The following FLI1 variants were observed in gnomAD, a reference collection of about 807,000 sequenced individuals.
FLI1 encodes Fli-1 proto-oncogene, ETS transcription factor.
FLI1 carries 13 observed loss-of-function variants against 53.1 expected under a neutral mutation model. The ratio of observed to expected loss-of-function variants is 0.24; its 90% CI spans 0.16 to 0.39. FLI1 has a LOEUF of 0.39. Among genes scored for constraint, FLI1 ranks in the 10% least tolerant of loss-of-function variants. The pLI is 1.00. For synonymous variants in FLI1, 244 were observed against 236.7 expected (o/e 1.03, Z -0.28); for missense variants, 424 against 600.5 (o/e 0.71, Z 3.07).
intron 1 of FLI1, among the ~76,000 whole-genome samples, chr11:128,741,831 A>G (rs1940150793): frequency 6.6e-6 from 1 of 151,962 alleles, no homozygotes; most frequent in Non-Finnish European, 1.5e-5. Flanking sequence ...CCTTCTCCTG[A>G]GGCAATGGCT....
chr11:128,793,447 T>C (rs1942338558), intron 5 of FLI1, among the ~76,000 whole-genome samples: 1 of 151,982 alleles, frequency 6.6e-6, no homozygotes, highest in Non-Finnish European at 1.5e-5. Flanking sequence ...CTTAGAATAA[T>C]CTCCTTCCAT....
At chr11:128,788,173 TA>T (rs1942157381) in intron 5 of FLI1, among the ~76,000 whole-genome samples, 1 of 152,066 alleles carries the variant, frequency 6.6e-6, no homozygotes, top group Non-Finnish European at 1.5e-5. Flanking sequence ...CAAGCTGCTT[TA>T]AAACTTATTC....
intron 1 of FLI1, among the ~76,000 whole-genome samples, chr11:128,688,740 G>A (rs762103681): frequency 6.6e-6 from 1 of 152,166 alleles, no homozygotes; most frequent in Non-Finnish European, 1.5e-5. Context: ...GGGCAGGGAA[G>A]AACAAGGGAA....
chr11:128,807,143 G>A, intron 6 of FLI1, 37 bp from the exon 7 acceptor site: 1 of 1,474,222 alleles, frequency 6.8e-7, no homozygotes, highest in Non-Finnish European at 9.2e-7. Flanking sequence ...CGGGGAGCTG[G>A]GTCCTACTCA....
At chr11:128,785,128 G>A (rs923097099) in intron 5 of FLI1, among the ~76,000 whole-genome samples, 2 of 152,118 alleles carry the variant, frequency 1.3e-5, no homozygotes, top group Non-Finnish European at 1.5e-5. Context: ...CAATCTTTAA[G>A]CCCCTTTAAA....
At chr11:128,688,261 G>A (rs1937616444) in intron 1 of FLI1, among the ~76,000 whole-genome samples, 1 of 152,230 alleles carries the variant, frequency 6.6e-6, no homozygotes, top group African/African-American at 2.4e-5. Context: ...CACGGGTCAG[G>A]GACAAAGCGG....
intron 1 of FLI1, among the ~76,000 whole-genome samples, chr11:128,738,049 G>C (rs1357990990): frequency 6.6e-6 from 1 of 152,146 alleles, no homozygotes; most frequent in Non-Finnish European, 1.5e-5. Context: ...AACAAGTCAT[G>C]GCAAGGTTTT....
At chr11:128,793,201 T>G (rs1942330425) in intron 5 of FLI1, among the ~76,000 whole-genome samples, 1 of 151,956 alleles carries the variant, frequency 6.6e-6, no homozygotes. Flanking sequence ...AAAGTTTCCC[T>G]CAAATAATTT....
chr11:128,721,306 G>A (rs1005298467), intron 1 of FLI1, among the ~76,000 whole-genome samples: 7 of 152,096 alleles, frequency 4.6e-5, no homozygotes, highest in Non-Finnish European at 8.8e-5. Context: ...TTCTCAGCAC[G>A]GTGTAGAATA....
At chr11:128,736,641 A>G (rs951878058) in intron 1 of FLI1, among the ~76,000 whole-genome samples, 6 of 152,218 alleles carry the variant, frequency 3.9e-5, no homozygotes, top group African/African-American at 1.4e-4. Flanking sequence ...CAATAACTGC[A>G]TTGTTTATTG....
intron 2 of FLI1, 91 bp downstream of exon 2, chr11:128,758,417 C>A (rs1940981975): frequency 1.9e-6 from 2 of 1,037,016 alleles, no homozygotes; most frequent in Non-Finnish European, 2.9e-6. Context: ...GTTTTTGCAG[C>A]AGATGGGGCT....
chr11:128,810,634 G>T lies in FLI1; in HGVS notation c.1005G>T (p.Leu335=), dbSNP rs755414716. 6.2e-7 allele frequency: 1 copy of T among 1,614,064 alleles called. No individual in the cohort carries two copies. Among genetic ancestry groups the T allele is most frequent in the Admixed American group, 1.7e-5 (1 of 60,016 alleles). The change falls in exon 9 of 9, where the codon CTG becomes CTT. Residue 335 remains leucine, a synonymous_variant. Transcript: ENST00000527786. This position sits in a 1 kb window ranked among gnomAD's most constrained non-coding sequence, Gnocchi z 6.6. ...AGCCCAACATGAATTACGACAAGCT[G>T]AGCCGGGCCCTCCGTTATTACTATG... ...KSKPNMNYDK[L]SRALRYYYDK...
intron 2 of FLI1, among the ~76,000 whole-genome samples, chr11:128,767,710 T>C (rs1941396622): frequency 6.6e-6 from 1 of 152,192 alleles, no homozygotes; most frequent in African/African-American, 2.4e-5. Flanking sequence ...TCAGACAGTG[T>C]GACAAGTCCT....
At chr11:128,719,624 G>T (rs561961786) in intron 1 of FLI1, among the ~76,000 whole-genome samples, 1 of 152,218 alleles carries the variant, frequency 6.6e-6, no homozygotes, top group African/African-American at 2.4e-5. Flanking sequence ...TGCAAATTTT[G>T]GGAGCTGAAT....
chr11:128,801,366 T>C (rs898371652), intron 5 of FLI1, among the ~76,000 whole-genome samples: 3 of 152,212 alleles, frequency 2.0e-5, no homozygotes, highest in Admixed American at 1.3e-4. Context: ...TCTGTGTGTA[T>C]GTTGGGGACT....
chr11:128,780,187 A>G (rs1208820910), intron 4 of FLI1, among the ~76,000 whole-genome samples: 2 of 152,174 alleles, frequency 1.3e-5, no homozygotes, highest in African/African-American at 4.8e-5. Flanking sequence ...TCATTTCTAA[A>G]ATGGCATCCA....
intron 1 of FLI1, among the ~76,000 whole-genome samples, chr11:128,727,855 G>T (rs574196586): frequency 1.3e-5 from 2 of 152,282 alleles, no homozygotes; most frequent in East Asian, 3.9e-4. Context: ...AGCAAAAGAG[G>T]CACCTGTCCT....
chr11:128,686,082 G>C (rs900607346), upstream of FLI1: 59 of 315,524 alleles, frequency 1.9e-4, 1 homozygote, highest in Middle Eastern at 2.4e-3. Context: ...CTCCGTCCCC[G>C]GGCCACCAGC....
intron 2 of FLI1, among the ~76,000 whole-genome samples, chr11:128,761,465 T>G (rs1237814668): frequency 6.6e-6 from 1 of 152,184 alleles, no homozygotes; most frequent in Non-Finnish European, 1.5e-5. Context: ...TGAGAACACA[T>G]GGCTGAGCAG....
Sources: allele counts gnomAD v4.1 joint callset (sites outside exome capture counted in the v4.1 genomes callset), GRCh38; gene constraint gnomAD v4.1.1; non-coding constraint Gnocchi (gnomAD v3.1); transcripts MANE v1.5; gene names NCBI Gene and HGNC (gene_info 2026-07-23, HGNC 2026-07-21).